KCNIP4: variants seen among roughly 807,000 people sequenced by gnomAD.
The protein encoded by KCNIP4 is potassium voltage-gated channel interacting protein 4, also known as Kv channel-interacting protein 4.
Under a neutral mutation model 34.0 loss-of-function variants are expected in KCNIP4, and 12 were observed. The observed-to-expected ratio is 0.35, with a 90% CI of 0.23 to 0.57. The LOEUF (loss-of-function observed/expected upper bound fraction) is 0.57, where lower values mean the gene tolerates loss of function less well. KCNIP4 is among the 20% of genes least tolerant of loss of function. The pLI, the probability that KCNIP4 is intolerant of heterozygous loss-of-function variation, is 0.83. For missense variants in KCNIP4, 238 were observed against 311.7 expected, an observed-to-expected ratio of 0.76 and a Z score of 1.78; for synonymous variants, 124 against 102.2, an observed-to-expected ratio of 1.21 and a Z score of -1.29.
At chr4:21,200,722 T>G (rs1756430286) in intron 1 of KCNIP4, among the ~76,000 whole-genome samples, 2 of 151,860 alleles carry the variant, frequency 1.3e-5, no homozygotes, top group Admixed American at 1.3e-4. Context: ...ACATTAAAAT[T>G]TCAGACTTCA....
At chr4:21,017,435 T>C (rs980626413) in intron 1 of KCNIP4, among the ~76,000 whole-genome samples, 3 of 152,190 alleles carry the variant, frequency 2.0e-5, no homozygotes, top group African/African-American at 7.2e-5. Flanking sequence ...AGTGAGAACA[T>C]GCAGTGTTTG....
chr4:20,918,795 TA>T (rs1469365194), intron 1 of KCNIP4, among the ~76,000 whole-genome samples: 1 of 152,194 alleles, frequency 6.6e-6, no homozygotes, highest in Non-Finnish European at 1.5e-5. Flanking sequence ...AGGGCCTGTA[TA>T]ACTGAGTCCA....
chr4:21,826,400 C>A (rs1228748162), intron 1 of KCNIP4, among the ~76,000 whole-genome samples: 14 of 152,126 alleles, frequency 9.2e-5, no homozygotes, highest in African/African-American at 3.4e-4. Context: ...AGATTCACTT[C>A]TAAAACCCTT....
intron 1 of KCNIP4, among the ~76,000 whole-genome samples, chr4:21,618,545 TTCTC>T (rs1178362592): frequency 6.7e-6 from 1 of 149,580 alleles, no homozygotes; most frequent in Non-Finnish European, 1.5e-5. Flanking sequence ...CTCTTTCTCC[TTCTC>T]TCTTTTTCTG....
chr4:20,968,350 A>T (rs1021785236), intron 1 of KCNIP4, among the ~76,000 whole-genome samples: 7 of 152,194 alleles, frequency 4.6e-5, no homozygotes, highest in African/African-American at 7.2e-5. Flanking sequence ...TAGCTCAACC[A>T]TTGTGGAAGA....
At chr4:21,343,140 T>C (rs1716924879) in intron 1 of KCNIP4, among the ~76,000 whole-genome samples, 1 of 152,106 alleles carries the variant, frequency 6.6e-6, no homozygotes, top group Non-Finnish European at 1.5e-5. Context: ...ATAATACTGG[T>C]GACAGCAGCA....
In KCNIP4 at chr4:21,097,961, A is replaced by G. The variant is rs117365304; in HGVS notation, c.62-215252T>C. Among the ~76,000 whole-genome samples, 97 of 152,324 alleles carry G rather than the reference A, an allele frequency of 6.4e-4. No individual in the cohort carries two copies. The East Asian group carries it at 0.016, about 25-fold the overall frequency. ...GTGAATGCAAAGGAAGAGTTCTTGAAGAAAATTAAAAGTGCTACTCCAGCA... is the reference window on the plus strand; with the variant it reads ...GTGAATGCAAAGGAAGAGTTCTTGAGGAAAATTAAAAGTGCTACTCCAGCA... On this transcript the variant is annotated intron_variant, in intron 1 of 8. Transcript: ENST00000382152.
chr4:21,462,507 A>C (rs1045029278), intron 1 of KCNIP4, among the ~76,000 whole-genome samples: 3 of 152,084 alleles, frequency 2.0e-5, no homozygotes, highest in Non-Finnish European at 4.4e-5. Flanking sequence ...CTCCCACAAC[A>C]CACGGGAATT....
At chr4:21,795,768 A>T (rs941250931) in intron 1 of KCNIP4, among the ~76,000 whole-genome samples, 9 of 152,164 alleles carry the variant, frequency 5.9e-5, no homozygotes, top group African/African-American at 9.7e-5. Context: ...TTCTTTGAAA[A>T]AAATAAATAA....
At chr4:20,792,744 G>A (rs1712938151) in intron 3 of KCNIP4, among the ~76,000 whole-genome samples, 1 of 152,032 alleles carries the variant, frequency 6.6e-6, no homozygotes, top group Non-Finnish European at 1.5e-5. Context: ...TAATAATATA[G>A]ATTAAACATA....
At chr4:21,003,748 T>C (rs1409109505) in intron 1 of KCNIP4, among the ~76,000 whole-genome samples, 1 of 152,300 alleles carries the variant, frequency 6.6e-6, no homozygotes, top group East Asian at 1.9e-4. Flanking sequence ...AAACTGGATA[T>C]TGTTTCAGAG....
chr4:21,686,597 A>G (rs892763556), intron 1 of KCNIP4, among the ~76,000 whole-genome samples: 9 of 152,208 alleles, frequency 5.9e-5, no homozygotes, highest in Admixed American at 4.6e-4. Flanking sequence ...GACTTTTTAA[A>G]TAAATGAGCA....
intron 1 of KCNIP4, among the ~76,000 whole-genome samples, chr4:21,794,598 T>C (rs1720507254): frequency 1.3e-5 from 2 of 152,056 alleles, no homozygotes; most frequent in Admixed American, 6.5e-5. Context: ...GCTTAAAAAC[T>C]CACTGAGACA....
chr4:21,081,450 CTCA>C (rs1745994252), intron 1 of KCNIP4, among the ~76,000 whole-genome samples: 1 of 151,648 alleles, frequency 6.6e-6, no homozygotes, highest in Non-Finnish European at 1.5e-5. Context: ...AGATGTGAAA[CTCA>C]ATTAAGGTCA....
chr4:21,351,503 C>T (rs904690504), intron 1 of KCNIP4, among the ~76,000 whole-genome samples: 1 of 152,142 alleles, frequency 6.6e-6, no homozygotes. Flanking sequence ...GTCCATTACA[C>T]TTATTTTTCT....
intron 1 of KCNIP4, among the ~76,000 whole-genome samples, chr4:21,138,365 T>C (rs535544914): frequency 6.6e-6 from 1 of 152,196 alleles, no homozygotes; most frequent in Admixed American, 6.5e-5. Flanking sequence ...TTCTTATATA[T>C]TTTCAAACAC....
chr4:21,265,179 A>G, intron 1 of KCNIP4, among the ~76,000 whole-genome samples: 1 of 152,080 alleles, frequency 6.6e-6, no homozygotes, highest in Non-Finnish European at 1.5e-5. Context: ...CAATGAAAGA[A>G]GTGAGAGGAA....
chr4:20,760,455 G>C (rs554077624), intron 3 of KCNIP4, among the ~76,000 whole-genome samples: 16 of 152,014 alleles, frequency 1.1e-4, no homozygotes, highest in Admixed American at 3.9e-4. Context: ...CTTTATTCCA[G>C]TGAGTCAGTT....
At chr4:20,781,200 A>C (rs914814056) in intron 3 of KCNIP4, among the ~76,000 whole-genome samples, 1 of 152,240 alleles carries the variant, frequency 6.6e-6, no homozygotes, top group Non-Finnish European at 1.5e-5. Flanking sequence ...AAAAATAAAA[A>C]AAGAAGAAAA....
Sources: allele counts gnomAD v4.1 joint callset (sites outside exome capture counted in the v4.1 genomes callset), GRCh38; gene constraint gnomAD v4.1.1; transcripts MANE v1.5; gene names NCBI Gene and HGNC (gene_info 2026-07-23, HGNC 2026-07-21).